The following TUSC3 variants were observed in gnomAD, a reference collection of about 807,000 sequenced individuals.
TUSC3 encodes the protein tumor suppressor candidate 3.
TUSC3 carries 45 observed loss-of-function variants against 44.8 expected under a neutral mutation model. That is an observed-to-expected ratio of 1.00 (90% CI 0.79 to 1.29). The LOEUF (loss-of-function observed/expected upper bound fraction) is 1.29, where lower values mean the gene tolerates loss of function less well. Among genes scored for constraint, TUSC3 ranks in the 50% most tolerant of loss-of-function variants. The pLI, the probability that TUSC3 is intolerant of heterozygous loss-of-function variation, is 0.00. For missense variants in TUSC3, 519 were observed against 437.9 expected, an observed-to-expected ratio of 1.19 and a Z score of -1.65; for synonymous variants, 212 against 152.9, an observed-to-expected ratio of 1.39 and a Z score of -2.85.
intron 9 of TUSC3, among the ~76,000 whole-genome samples, chr8:15,756,437 G>C (rs934668672): frequency 6.6e-6 from 1 of 152,036 alleles, no homozygotes; most frequent in East Asian, 1.9e-4. Context: ...CTCCTCTTCA[G>C]CTATACTAGC....
chr8:15,663,157 A>G (rs1238451023), intron 5 of TUSC3, among the ~76,000 whole-genome samples: 1 of 151,882 alleles, frequency 6.6e-6, no homozygotes, highest in African/African-American at 2.4e-5. Flanking sequence ...AAGGGAAAAT[A>G]TAAGGTACTT....
At chr8:15,691,879 A>C in intron 6 of TUSC3, among the ~76,000 whole-genome samples, 1 of 152,008 alleles carries the variant, frequency 6.6e-6, no homozygotes, top group East Asian at 1.9e-4. Context: ...CTTGGGTTCA[A>C]ACAATTCTCT....
At chr8:15,477,947 A>T (rs1163400632) in intron 1 of TUSC3, among the ~76,000 whole-genome samples, 1 of 152,024 alleles carries the variant, frequency 6.6e-6, no homozygotes, top group Non-Finnish European at 1.5e-5. Flanking sequence ...TTTTTTAAAA[A>T]TTTAATTTAA....
chr8:15,777,115 A>C, the TUSC3 span, among the ~76,000 whole-genome samples: 6 of 152,308 alleles, frequency 3.9e-5, no homozygotes, highest in South Asian at 2.1e-4. Flanking sequence ...GAAACAAAGA[A>C]GACTTTTCCT....
chr8:15,747,879 C>A (rs1273907084), intron 8 of TUSC3, among the ~76,000 whole-genome samples: 1 of 152,070 alleles, frequency 6.6e-6, no homozygotes, highest in Admixed American at 6.5e-5. Flanking sequence ...CTATAACATG[C>A]TCTTACTGAG....
upstream of TUSC3, among the ~76,000 whole-genome samples, chr8:15,536,373 C>T (rs927175420): frequency 6.6e-6 from 1 of 152,092 alleles, no homozygotes; most frequent in Non-Finnish European, 1.5e-5. Flanking sequence ...TCACTCCAGA[C>T]ACTTTACCAA....
chr8:15,468,557 T>A (rs1800444682), intron 1 of TUSC3, among the ~76,000 whole-genome samples: 1 of 152,178 alleles, frequency 6.6e-6, no homozygotes, highest in Non-Finnish European at 1.5e-5. Flanking sequence ...TTACTAGATA[T>A]TCTTTGTTTT....
At chr8:15,674,191 T>G (rs1479128266) in intron 6 of TUSC3, among the ~76,000 whole-genome samples, 1 of 152,006 alleles carries the variant, frequency 6.6e-6, no homozygotes, top group Non-Finnish European at 1.5e-5. Flanking sequence ...CCATCCATGG[T>G]AAATTTAATT....
the TUSC3 span, among the ~76,000 whole-genome samples, chr8:15,782,096 C>T: frequency 6.6e-6 from 1 of 152,228 alleles, no homozygotes; most frequent in African/African-American, 2.4e-5. Context: ...GATCGTGCCA[C>T]TGCACTCCAG....
chr8:15,618,595 T>A (rs1805099176), intron 1 of TUSC3, among the ~76,000 whole-genome samples: 1 of 152,188 alleles, frequency 6.6e-6, no homozygotes, highest in East Asian at 1.9e-4. Flanking sequence ...CATTCTCTTC[T>A]GGACACCTCG....
At chr8:15,518,877 G>A (rs1419371362) in intron 2 of TUSC3, among the ~76,000 whole-genome samples, 1 of 152,078 alleles carries the variant, frequency 6.6e-6, no homozygotes, top group Non-Finnish European at 1.5e-5. Context: ...AAATAAAAAT[G>A]GAATCAATCT....
intron 3 of TUSC3, among the ~76,000 whole-genome samples, chr8:15,656,827 T>C (rs1585199603): frequency 6.6e-6 from 1 of 152,168 alleles, no homozygotes; most frequent in Admixed American, 6.5e-5. Flanking sequence ...GAAATTTAGG[T>C]GAAGGAAGAC....
chr8:15,616,680 G>A (rs1241815893), intron 1 of TUSC3, among the ~76,000 whole-genome samples: 1 of 152,186 alleles, frequency 6.6e-6, no homozygotes, highest in African/African-American at 2.4e-5. Flanking sequence ...CTGTGCTGTG[G>A]GTGGCAGGAA....
At chr8:15,522,665 C>A (rs1305017771) in intron 2 of TUSC3, among the ~76,000 whole-genome samples, 1 of 151,966 alleles carries the variant, frequency 6.6e-6, no homozygotes, top group Non-Finnish European at 1.5e-5. Context: ...TTTCCCTACT[C>A]CATCTCTACA....
intron 1 of TUSC3, among the ~76,000 whole-genome samples, chr8:15,612,353 A>G (rs1330936892): frequency 2.0e-5 from 3 of 152,184 alleles, no homozygotes; most frequent in Admixed American, 2.0e-4. Flanking sequence ...AAACAAACAA[A>G]CAAGAAAGAG....
At chr8:15,720,522 A>C (rs1810263825) in intron 6 of TUSC3, among the ~76,000 whole-genome samples, 1 of 152,060 alleles carries the variant, frequency 6.6e-6, no homozygotes, top group South Asian at 2.1e-4. Context: ...TTCATTTATC[A>C]TACTGTTGTG....
At chr8:15,758,087 T>G in intron 10 of TUSC3, 14 of 1,303,114 alleles carry the variant, frequency 1.1e-5, no homozygotes, top group Non-Finnish European at 1.4e-5. Flanking sequence ...GTTAATCATT[T>G]GACAGATGCA....
chr8:15,531,116 A>G (rs999448483), intron 2 of TUSC3, among the ~76,000 whole-genome samples: 1 of 152,204 alleles, frequency 6.6e-6, no homozygotes, highest in African/African-American at 2.4e-5. Context: ...TAAGGGAAGA[A>G]TCAAGGGAAA....
Position 15,555,276 on chromosome 8 carries a change from A to ATTTTTTT in TUSC3, c.138+14737_138+14743dup, listed in dbSNP as rs35757466. ...GTTCATGTGCCACCATGCCAGGCTA[A>ATTTTTTT]TTTTTTTTTTTTTTTTTTTTTTTTT... On this transcript the variant is annotated intron_variant, in intron 1 of 10. Transcript: ENST00000503731. Among the ~76,000 whole-genome samples the ATTTTTTT allele has an allele frequency of 6.7e-3, 299 of 44,892 alleles. 59 individuals are homozygous for ATTTTTTT. The highest frequency in any genetic ancestry group is 7.5e-3 in the South Asian group (7 of 930). The allele number at this position is 44,892 out of a possible 152,430, so 29.5% of individuals were successfully genotyped here. A position where few individuals can be genotyped will look rare whatever the true frequency, so the allele number is the denominator to read the frequency against.
Sources: gnomAD v4.1 joint callset for allele counts (sites outside exome capture counted in the v4.1 genomes callset) on GRCh38, gnomAD v4.1.1 for gene constraint, MANE v1.5 for transcripts, NCBI Gene and HGNC (gene_info 2026-07-23, HGNC 2026-07-21) for gene names.